RAB3GAP1: variants seen among roughly 807,000 people sequenced by gnomAD.
The protein encoded by RAB3GAP1 is RAB3 GTPase activating protein catalytic subunit 1.
In RAB3GAP1, 86 loss-of-function variants were observed where a neutral mutation model predicts 130.7. The observed-to-expected ratio is 0.66, with a 90% CI of 0.55 to 0.79. The LOEUF is 0.79. Ranked by LOEUF, RAB3GAP1 falls within the 30% of genes least tolerant of loss-of-function variation. The pLI, the probability that RAB3GAP1 is intolerant of heterozygous loss-of-function variation, is 0.00. For synonymous variants in RAB3GAP1, 367 were observed against 401.7 expected, an observed-to-expected ratio of 0.91 and a Z score of 1.03; for missense variants, 1,029 against 1,169.4, an observed-to-expected ratio of 0.88 and a Z score of 1.75.
chr2:135,145,312 A>G (rs939556125), intron 17 of RAB3GAP1, among the ~76,000 whole-genome samples: 4 of 152,008 alleles, frequency 2.6e-5, no homozygotes, highest in African/African-American at 9.7e-5. Flanking sequence ...CTACTTTACT[A>G]TTGAACATTA....
intron 3 of RAB3GAP1, among the ~76,000 whole-genome samples, chr2:135,077,246 G>C (rs1160195400): frequency 1.3e-5 from 2 of 151,526 alleles, no homozygotes; most frequent in Non-Finnish European, 2.9e-5. Context: ...CTCCAGCCTG[G>C]GCGACAGAGC....
intron 3 of RAB3GAP1, among the ~76,000 whole-genome samples, chr2:135,074,899 A>T (rs1689578529): frequency 6.6e-6 from 1 of 152,178 alleles, no homozygotes; most frequent in African/African-American, 2.4e-5. Context: ...CAAAGGGGCC[A>T]TGTATGGACG....
intron 2 of RAB3GAP1, 146 bp downstream of exon 2, chr2:135,052,631 T>C (rs1688913106): frequency 1.0e-6 from 1 of 955,738 alleles, no homozygotes; most frequent in South Asian, 1.4e-5. Context: ...CCAGTCTTCT[T>C]TGGTCAACCG....
chr2:135,077,446 T>C (rs925576152), intron 3 of RAB3GAP1, among the ~76,000 whole-genome samples: 5 of 152,094 alleles, frequency 3.3e-5, no homozygotes, highest in African/African-American at 9.7e-5. Flanking sequence ...AATCCCAGCA[T>C]TTTGGGAGGC....
intron 5 of RAB3GAP1, among the ~76,000 whole-genome samples, chr2:135,094,961 G>A (rs1311341965): frequency 6.6e-6 from 1 of 152,092 alleles, no homozygotes; most frequent in Non-Finnish European, 1.5e-5. Context: ...GGGTACTTAG[G>A]TTGATTCCAT....
chr2:135,117,280 A>G (rs1690999517), intron 7 of RAB3GAP1, among the ~76,000 whole-genome samples: 1 of 152,192 alleles, frequency 6.6e-6, no homozygotes, highest in Non-Finnish European at 1.5e-5. Flanking sequence ...AGTTTGGGAA[A>G]TTTTTGAAAA....
Position 135,133,845 on chromosome 2 carries a change from A to G in RAB3GAP1, c.1327-16A>G, listed in dbSNP as rs755033829. 3 of 1,610,880 alleles carry G rather than the reference A, an allele frequency of 1.9e-6. No individual in the cohort carries two copies. Among genetic ancestry groups the G allele is most frequent in the Non-Finnish European group, 2.5e-6 (3 of 1,177,560 alleles). On this transcript the variant is annotated splice_polypyrimidine_tract_variant and intron_variant, in intron 14 of 23. Coordinates refer to ENST00000264158, the MANE Select transcript of RAB3GAP1 (RefSeq NM_012233.3). ...TTGGTAACAAGTTTGCTTTGTTTCT[A>G]TTTTGTTAAATTTAGAATCTCTACA... is the stretch of plus-strand genomic sequence containing the variant.
At chr2:135,111,294 T>C (rs1330941804) in intron 5 of RAB3GAP1, among the ~76,000 whole-genome samples, 1 of 152,042 alleles carries the variant, frequency 6.6e-6, no homozygotes, top group Non-Finnish European at 1.5e-5. Flanking sequence ...TTATTTTCTT[T>C]ATTAAAAAAT....
intron 8 of RAB3GAP1, among the ~76,000 whole-genome samples, chr2:135,121,590 CAT>C (rs1278862922): frequency 1.3e-5 from 2 of 152,072 alleles, no homozygotes; most frequent in African/African-American, 2.4e-5. Context: ...GTTTCTTTCA[CAT>C]GTTTGATTAT....
chr2:135,061,895 A>C (rs918841060), intron 3 of RAB3GAP1, among the ~76,000 whole-genome samples: 1 of 152,062 alleles, frequency 6.6e-6, no homozygotes, highest in East Asian at 1.9e-4. Flanking sequence ...TCTAGAACCT[A>C]CTTTGGAAAA....
At position 135,091,016 on chromosome 2, in the gene RAB3GAP1, A is replaced by G; in HGVS notation, c.169A>G (p.Thr57Ala). 1 of 1,612,430 alleles carries G rather than the reference A, an allele frequency of 6.2e-7. No homozygotes were observed. ...CATATAGGGTATATTTACTTCTGGC[A>G]CATGGGAAGAGAAATCAGATGAAAT... is the stretch of plus-strand genomic sequence containing the variant. ...PLEKGIFTSG[T>A]WEEKSDEISF... The change falls in exon 4 of 24, where the codon ACA (threonine) becomes GCA (alanine). Residue 57 changes from threonine (T) to alanine (A), a missense_variant. By Grantham distance (58) the Thr-to-Ala change is moderately conservative (BLOSUM62 0). Transcript: ENST00000264158.
At chr2:135,084,984 T>G (rs1359700991) in intron 3 of RAB3GAP1, among the ~76,000 whole-genome samples, 1 of 152,132 alleles carries the variant, frequency 6.6e-6, no homozygotes, top group Non-Finnish European at 1.5e-5. Flanking sequence ...ACTGAAAGAA[T>G]GAAGTAGAGA....
chr2:135,092,969 G>T (rs931395827), intron 4 of RAB3GAP1, among the ~76,000 whole-genome samples: 1 of 152,076 alleles, frequency 6.6e-6, no homozygotes, highest in African/African-American at 2.4e-5. Context: ...GGTCTGAAAA[G>T]CACCAAATCA....
intron 17 of RAB3GAP1, among the ~76,000 whole-genome samples, chr2:135,146,536 T>C (rs1691999881): frequency 6.6e-6 from 1 of 152,184 alleles, no homozygotes; most frequent in Non-Finnish European, 1.5e-5. Flanking sequence ...GTTCTAATCT[T>C]GCTATGGCGA....
intron 4 of RAB3GAP1, among the ~76,000 whole-genome samples, chr2:135,091,556 G>A (rs563829453): frequency 6.6e-6 from 1 of 152,278 alleles, no homozygotes; most frequent in African/African-American, 2.4e-5. Flanking sequence ...AGGAAAATCT[G>A]TTGATTAGAG....
chr2:135,151,163 A>C (rs1321499199), intron 18 of RAB3GAP1, among the ~76,000 whole-genome samples: 1 of 152,210 alleles, frequency 6.6e-6, no homozygotes, highest in East Asian at 1.9e-4. Flanking sequence ...AAAACTAGGA[A>C]TGAAGAAAGG....
intron 19 of RAB3GAP1, among the ~76,000 whole-genome samples, chr2:135,160,194 C>T (rs1692426318): frequency 6.6e-6 from 1 of 152,016 alleles, no homozygotes; most frequent in Admixed American, 6.6e-5. Flanking sequence ...AATCTGAATA[C>T]AGTATGGAAT....
chr2:135,060,831 A>G (rs1689147959), intron 3 of RAB3GAP1, among the ~76,000 whole-genome samples: 1 of 151,966 alleles, frequency 6.6e-6, no homozygotes, highest in African/African-American at 2.4e-5. Context: ...TTAGCCTCCC[A>G]AGAAGCTGAG....
At chr2:135,082,527 G>A (rs1215373637) in intron 3 of RAB3GAP1, among the ~76,000 whole-genome samples, 2 of 149,636 alleles carry the variant, frequency 1.3e-5, no homozygotes, top group South Asian at 2.1e-4. Context: ...TGCAACCTTC[G>A]CCTCTTGGTT....
Sources: gnomAD v4.1 joint callset for allele counts (sites outside exome capture counted in the v4.1 genomes callset) on GRCh38, gnomAD v4.1.1 for gene constraint, MANE v1.5 for transcripts, NCBI Gene and HGNC (gene_info 2026-07-23, HGNC 2026-07-21) for gene names.